The following RORA variants were observed in gnomAD, a reference collection of about 807,000 sequenced individuals.
The protein encoded by RORA is nuclear receptor ROR-alpha.
Under a neutral mutation model 69.5 loss-of-function variants are expected in RORA, and 7 were observed. The ratio of observed to expected loss-of-function variants is 0.10; its 90% CI spans 0.06 to 0.19. RORA has a LOEUF of 0.19. Ranked by LOEUF, RORA falls within the 10% of genes least tolerant of loss-of-function variation. The pLI, the probability that RORA is intolerant of heterozygous loss-of-function variation, is 1.00. For missense variants in RORA, 457 were observed against 663.0 expected, an observed-to-expected ratio of 0.69 and a Z score of 3.41; for synonymous variants, 261 against 240.8, an observed-to-expected ratio of 1.08 and a Z score of -0.78.
intron 1 of RORA, among the ~76,000 whole-genome samples, chr15:61,087,930 T>C (rs993861314): frequency 6.6e-6 from 1 of 152,250 alleles, no homozygotes; most frequent in Non-Finnish European, 1.5e-5. Flanking sequence ...TGTCTTCTGT[T>C]AGCAAGTCAT....
chr15:60,632,326 C>T (rs1567134637), intron 2 of RORA, among the ~76,000 whole-genome samples: 1 of 152,096 alleles, frequency 6.6e-6, no homozygotes, highest in South Asian at 2.1e-4. Flanking sequence ...CCAGGATGGT[C>T]TCGATCTCCT....
At chr15:60,886,159 A>T (rs762740186) in intron 1 of RORA, among the ~76,000 whole-genome samples, 8 of 152,328 alleles carry the variant, frequency 5.3e-5, no homozygotes, top group Non-Finnish European at 8.8e-5. Flanking sequence ...TGGAGATTAC[A>T]TTTCCCCCAA....
chr15:60,531,567 A>G lies in RORA; in HGVS notation c.282+199T>C, dbSNP rs1028925572. The G allele has an allele frequency of 2.0e-6, 1 of 505,556 alleles. No homozygotes were observed. The highest frequency in any genetic ancestry group is 2.0e-5 in the African/African-American group (1 of 49,020). 31.3% of individuals were successfully genotyped at this position (505,556 alleles called of 1,614,324 possible). A position where few individuals can be genotyped will look rare whatever the true frequency, so the allele number is the denominator to read the frequency against. ...CTCAAATACCTTTTTGTAATCTCCT[A>G]TTATTTTGAAGGAAGGAGTAAAAAT... On this transcript the variant is annotated intron_variant, in intron 3 of 10. Transcript: ENST00000335670. This position sits in a 1 kb window ranked among gnomAD's most constrained non-coding sequence, Gnocchi z 4.8.
At chr15:61,049,991 G>T (rs981678845) in intron 1 of RORA, among the ~76,000 whole-genome samples, 1 of 152,108 alleles carries the variant, frequency 6.6e-6, no homozygotes, top group Non-Finnish European at 1.5e-5. Context: ...CTTCTCAGAG[G>T]CTTTTAATAT....
chr15:60,570,536 G>A (rs2067849546), intron 2 of RORA, among the ~76,000 whole-genome samples: 1 of 151,972 alleles, frequency 6.6e-6, no homozygotes, highest in South Asian at 2.1e-4. Context: ...TTTTTGTAGA[G>A]ACAGTGTTTC....
In RORA at chr15:60,853,553, G is replaced by C. The variant is rs145594639; in HGVS notation, c.167-174867C>G. Among the ~76,000 whole-genome samples, 15 of 152,272 alleles carry C rather than the reference G, an allele frequency of 9.9e-5. No individual in the cohort carries two copies. The East Asian group carries it at 2.7e-3, about 27-fold the overall frequency. On this transcript the variant is annotated intron_variant, in intron 1 of 10. Coordinates refer to ENST00000335670, the MANE Select transcript of RORA (RefSeq NM_134261.3). ...ACTGCCAACAAGAAGACATCAAAAA[G>C]GAAGGAGAAAATAGCGATTAAAACA... is the stretch of plus-strand genomic sequence containing the variant.
intron 1 of RORA, among the ~76,000 whole-genome samples, chr15:61,102,939 T>C (rs2078900891): frequency 6.6e-6 from 1 of 152,208 alleles, no homozygotes; most frequent in African/African-American, 2.4e-5. Flanking sequence ...TCATTCTGTA[T>C]TTTGAATATG....
chr15:61,113,763 C>A (rs2079027594), intron 1 of RORA, among the ~76,000 whole-genome samples: 1 of 152,154 alleles, frequency 6.6e-6, no homozygotes, highest in Non-Finnish European at 1.5e-5. Context: ...GAAGAAGGCA[C>A]ATTTGGTTTG....
chr15:60,554,499 T>C (rs1362116210), intron 2 of RORA, among the ~76,000 whole-genome samples: 1 of 152,162 alleles, frequency 6.6e-6, no homozygotes, highest in African/African-American at 2.4e-5. Flanking sequence ...CATTTAAAAA[T>C]AGCTAGAATT....
intron 1 of RORA, among the ~76,000 whole-genome samples, chr15:61,093,488 A>G (rs548073498): frequency 6.8e-4 from 104 of 152,350 alleles, no homozygotes; most frequent in Non-Finnish European, 1.4e-3. Context: ...TGCTGCGGCT[A>G]CAGAGCTGGT....
intron 2 of RORA, among the ~76,000 whole-genome samples, chr15:60,597,544 CACACAACAT>C: frequency 1.5e-5 from 1 of 65,018 alleles, no homozygotes; most frequent in Middle Eastern, 6.9e-3. Context: ...CACACACACA[CACACAACAT>C]ATATATATAT....
chr15:61,040,139 TATATATATATATATATATATATATAA>T (rs996008118), intron 1 of RORA, among the ~76,000 whole-genome samples: 1 of 117,458 alleles, frequency 8.5e-6, no homozygotes, highest in Non-Finnish European at 1.8e-5. Context: ...TATATATATA[TATATATATATATATATATATATATAA>T]AATATATGAA....
At chr15:60,794,413 T>G (rs1414958442) in intron 1 of RORA, among the ~76,000 whole-genome samples, 1 of 152,226 alleles carries the variant, frequency 6.6e-6, no homozygotes, top group Non-Finnish European at 1.5e-5. Flanking sequence ...TCACCTGTGT[T>G]TTCAAATGGC....
chr15:61,067,748 G>T (rs2078284947), intron 1 of RORA, among the ~76,000 whole-genome samples: 1 of 152,140 alleles, frequency 6.6e-6, no homozygotes, highest in African/African-American at 2.4e-5. Context: ...CTGCTGCCAG[G>T]TTCAAGGAAC....
At chr15:60,725,405 C>T (rs538008357) in intron 1 of RORA, among the ~76,000 whole-genome samples, 7 of 152,210 alleles carry the variant, frequency 4.6e-5, no homozygotes, top group East Asian at 3.9e-4. Flanking sequence ...ATGTTTCTAT[C>T]GCCCATGGAA....
chr15:60,522,222 G>T (rs1048417311), intron 3 of RORA, among the ~76,000 whole-genome samples: 1 of 152,126 alleles, frequency 6.6e-6, no homozygotes, highest in African/African-American at 2.4e-5. Flanking sequence ...TCTTCAGGTT[G>T]TCTACATCAA....
chr15:60,864,713 A>G (rs2140428672), intron 1 of RORA, among the ~76,000 whole-genome samples: 1 of 152,342 alleles, frequency 6.6e-6, no homozygotes, highest in Non-Finnish European at 1.5e-5. Context: ...TGGATAATTC[A>G]TGTCCCTTAT....
At chr15:60,962,879 G>T (rs1024645594) in intron 1 of RORA, among the ~76,000 whole-genome samples, 1 of 152,242 alleles carries the variant, frequency 6.6e-6, no homozygotes, top group African/African-American at 2.4e-5. Context: ...TGCACCTTAT[G>T]TTCAAAGTAA....
At chr15:60,763,737 C>A (rs1331206484) in intron 1 of RORA, among the ~76,000 whole-genome samples, 1 of 152,176 alleles carries the variant, frequency 6.6e-6, no homozygotes. Context: ...CATTCAGGAG[C>A]CCCTCGGGTT....
Sources: allele counts gnomAD v4.1 joint callset (sites outside exome capture counted in the v4.1 genomes callset), GRCh38; gene constraint gnomAD v4.1.1; non-coding constraint Gnocchi (gnomAD v3.1); transcripts MANE v1.5; gene names NCBI Gene and HGNC (gene_info 2026-07-23, HGNC 2026-07-21).